Variants in TTC39C observed in about 807,000 individuals in gnomAD.
The protein encoded by TTC39C is tetratricopeptide repeat domain 39C.
TTC39C carries 33 observed loss-of-function variants against 76.3 expected under a neutral mutation model. The observed-to-expected ratio is 0.43, with a 90% CI of 0.33 to 0.58. TTC39C has a LOEUF of 0.58. Ranked by LOEUF, TTC39C falls within the 20% of genes least tolerant of loss-of-function variation. The probability of loss-of-function intolerance (pLI) is 0.04; values close to 1 mark genes in which losing one functional copy is unlikely to be tolerated. For synonymous variants in TTC39C, 254 were observed against 260.6 expected (o/e 0.97, Z 0.24); for missense variants, 595 against 701.4 (o/e 0.85, Z 1.71).
intron 1 of TTC39C, among the ~76,000 whole-genome samples, chr18:24,045,810 G>A (rs140471643): frequency 0.02 from 2,925 of 145,896 alleles, 44 homozygotes; most frequent in Middle Eastern, 0.066. Context: ...AAAGTAGAAG[G>A]AAAGAAAAAT....
chr18:24,016,717 C>T (rs1024065338), intron 1 of TTC39C: 2 of 398,358 alleles, frequency 5.0e-6, no homozygotes, highest in Admixed American at 8.8e-5. Flanking sequence ...AGAGAGATGC[C>T]CCTTCAAAGA....
chr18:24,105,908 C>T (rs1384519796), intron 6 of TTC39C, among the ~76,000 whole-genome samples: 1 of 152,220 alleles, frequency 6.6e-6, no homozygotes, highest in Non-Finnish European at 1.5e-5. Context: ...TGTTCCATTC[C>T]TCTCTCCTGG....
intron 6 of TTC39C, among the ~76,000 whole-genome samples, chr18:24,086,301 G>A (rs148201109): frequency 3.1e-4 from 47 of 152,292 alleles, no homozygotes; most frequent in African/African-American, 1.0e-3. Context: ...CTGCTTTTGT[G>A]TAAGCTTGCT....
intron 1 of TTC39C, among the ~76,000 whole-genome samples, chr18:24,040,138 T>C (rs973406786): frequency 2.0e-5 from 3 of 152,220 alleles, no homozygotes; most frequent in Admixed American, 1.3e-4. Context: ...CCACTAGTGA[T>C]GATTTATTAT....
Position 24,083,088 on chromosome 18 carries a change from T to C in TTC39C, c.984+7T>C. The C allele has an allele frequency of 1.3e-6, 2 of 1,597,310 alleles. No individual in the cohort carries two copies. The highest frequency in any genetic ancestry group is 1.7e-6 in the Non-Finnish European group (2 of 1,170,634). On this transcript the variant is annotated splice_region_variant and intron_variant, in intron 6 of 13. Coordinates refer to ENST00000317571, the MANE Select transcript of TTC39C (RefSeq NM_001135993.2). ...ACGGATACAACGACTAGAGGTACTG[T>C]ACCTTCCTCATCTTTTTAAAATAAA...
At chr18:24,025,121 G>A (rs1306897750) in intron 1 of TTC39C, among the ~76,000 whole-genome samples, 1 of 152,048 alleles carries the variant, frequency 6.6e-6, no homozygotes, top group Non-Finnish European at 1.5e-5. Flanking sequence ...TGACCGTCTC[G>A]GCCTCTAAAA....
chr18:24,086,911 G>A lies in TTC39C; in HGVS notation c.984+3830G>A, dbSNP rs922580514. ...ATGGGAAGTCAGGTATCACATTTTCGTGTTTTGTTTTTTTTTTTCTTTTGG... is the reference window on the plus strand; with the variant it reads ...ATGGGAAGTCAGGTATCACATTTTCATGTTTTGTTTTTTTTTTTCTTTTGG... On this transcript the variant is annotated intron_variant, in intron 6 of 13. Transcript: ENST00000317571. Among the ~76,000 whole-genome samples the A allele has an allele frequency of 4.0e-5, 6 of 151,846 alleles. No individual in the cohort carries two copies. The East Asian group carries it at 5.8e-4, about 15-fold the overall frequency.
rs1365950634 is a variant in TTC39C at position 24,134,926 on chromosome 18, A to G, written c.*2352A>G. On this transcript the variant is annotated 3_prime_UTR_variant, in exon 14 of 14. Transcript: ENST00000317571. ...TTCAGCTCACTTAACTGGATAGACA[A>G]TTTTGCGTTTTGCAACACCATCCTG... is the stretch of plus-strand genomic sequence containing the variant. 2 of 152,106 alleles carry G rather than the reference A, an allele frequency of 1.3e-5. No homozygotes were observed. The highest frequency in any genetic ancestry group is 1.9e-4 in the East Asian group (1 of 5,192). The allele number at this position is 152,106 out of a possible 1,614,324, so 9.4% of individuals were successfully genotyped here. A position where few individuals can be genotyped will look rare whatever the true frequency, so the allele number is the denominator to read the frequency against.
chr18:24,114,853 AT>A, intron 7 of TTC39C: 1 of 472,958 alleles, frequency 2.1e-6, no homozygotes, highest in Non-Finnish European at 3.8e-6. Context: ...CAGCATTTTG[AT>A]TTTTTAGGAT....
intron 1 of TTC39C, among the ~76,000 whole-genome samples, chr18:24,062,028 G>A (rs1016693389): frequency 2.0e-5 from 3 of 152,208 alleles, no homozygotes; most frequent in Non-Finnish European, 1.5e-5. Flanking sequence ...CGATGCACCC[G>A]GGTGCTGTGG....
intron 6 of TTC39C, among the ~76,000 whole-genome samples, chr18:24,085,893 G>T (rs751775673): frequency 1.8e-4 from 27 of 152,206 alleles, no homozygotes; most frequent in Admixed American, 1.1e-3. Context: ...TTGAAATATG[G>T]TTGTTATTAT....
chr18:24,077,205 G>T (rs1215628635), intron 4 of TTC39C: 1 of 152,182 alleles, frequency 6.6e-6, no homozygotes, highest in African/African-American at 2.4e-5. Context: ...TCTCTCCTGG[G>T]GTGTTCCCTT....
chr18:24,109,437 A>T (rs2084785732), intron 6 of TTC39C, among the ~76,000 whole-genome samples: 1 of 152,214 alleles, frequency 6.6e-6, no homozygotes, highest in African/African-American at 2.4e-5. Flanking sequence ...TGTGTTGATT[A>T]TAAAGTTGGC....
chr18:24,125,743 A>T, intron 10 of TTC39C, 193 bp downstream of exon 10: 1 of 598,966 alleles, frequency 1.7e-6, no homozygotes, highest in Non-Finnish European at 2.9e-6. Flanking sequence ...AGGAGGCAGC[A>T]CTGCTGTGGA....
At chr18:24,115,074 T>A (rs774366737) in intron 7 of TTC39C, 1 of 164,414 alleles carries the variant, frequency 6.1e-6, no homozygotes, top group Non-Finnish European at 1.3e-5. Context: ...AGCCACATAG[T>A]TGCCATTGGA....
chr18:24,097,987 C>G (rs562576897), intron 6 of TTC39C, among the ~76,000 whole-genome samples: 6 of 152,192 alleles, frequency 3.9e-5, no homozygotes, highest in Admixed American at 2.0e-4. Context: ...TATTATAATG[C>G]ACATTTTCTA....
intron 8 of TTC39C, among the ~76,000 whole-genome samples, chr18:24,120,002 A>G (rs367908567): frequency 6.7e-6 from 1 of 149,562 alleles, no homozygotes; most frequent in East Asian, 2.0e-4. Flanking sequence ...AACCATACCA[A>G]TCATAGCAGA....
At chr18:24,022,885 G>A in intron 1 of TTC39C, 3 of 985,324 alleles carry the variant, frequency 3.0e-6, no homozygotes, top group Non-Finnish European at 3.6e-6. Context: ...CAGATTTTTA[G>A]CAAAAGGTTG....
At chr18:24,052,398 G>C (rs2083961813) in intron 1 of TTC39C, among the ~76,000 whole-genome samples, 2 of 152,164 alleles carry the variant, frequency 1.3e-5, no homozygotes, top group South Asian at 4.1e-4. Context: ...TGTCTTGAAT[G>C]AGTGAGTGGA....
Sources: gnomAD v4.1 joint callset for allele counts (sites outside exome capture counted in the v4.1 genomes callset) on GRCh38, gnomAD v4.1.1 for gene constraint, MANE v1.5 for transcripts, NCBI Gene and HGNC (gene_info 2026-07-23, HGNC 2026-07-21) for gene names.